The following LEF1 variants were observed in gnomAD, a reference collection of about 807,000 sequenced individuals.
LEF1 encodes the protein lymphoid enhancer-binding factor 1.
LEF1 carries 14 observed loss-of-function variants against 51.2 expected under a neutral mutation model. The ratio of observed to expected loss-of-function variants is 0.27; its 90% CI spans 0.18 to 0.43. LEF1 has a LOEUF of 0.43. Among genes scored for constraint, LEF1 ranks in the 20% least tolerant of loss-of-function variants. The pLI is 1.00. For missense variants in LEF1, 386 were observed against 512.0 expected, an observed-to-expected ratio of 0.75 and a Z score of 2.37; for synonymous variants, 185 against 183.2, an observed-to-expected ratio of 1.01 and a Z score of -0.08.
At chr4:108,070,880 T>A in intron 8 of LEF1, 110 bp from the exon 9 acceptor site, 1 of 765,182 alleles carries the variant, frequency 1.3e-6, no homozygotes, top group South Asian at 1.9e-5. Context: ...AACTTTGATT[T>A]ATTTTTAAAT....
At chr4:108,139,450 A>C (rs567104506) in intron 3 of LEF1, among the ~76,000 whole-genome samples, 7 of 152,310 alleles carry the variant, frequency 4.6e-5, no homozygotes, top group Non-Finnish European at 7.3e-5. Context: ...TTCTCCCTTA[A>C]AACCTGGAAA....
intron 3 of LEF1, among the ~76,000 whole-genome samples, chr4:108,116,286 C>T (rs1013140456): frequency 3.9e-5 from 6 of 152,028 alleles, no homozygotes; most frequent in Non-Finnish European, 7.4e-5. Context: ...TTTGGGAGGC[C>T]GAGGTGAGAG....
intron 11 of LEF1, among the ~76,000 whole-genome samples, chr4:108,056,960 G>C (rs13124913): frequency 0.013 from 1,964 of 151,872 alleles, 17 homozygotes; most frequent in Non-Finnish European, 0.019. Context: ...TGCTGAGCAG[G>C]GTGCAGAAGT....
intron 2 of LEF1, 88 bp from the exon 3 acceptor site, chr4:108,163,789 A>G (rs950471367): frequency 8.1e-6 from 11 of 1,359,550 alleles, no homozygotes; most frequent in African/African-American, 4.4e-5. Context: ...TAGTTCTAAG[A>G]TAAATCAGAC....
intron 4 of LEF1, among the ~76,000 whole-genome samples, chr4:108,085,973 A>G (rs1739620051): frequency 6.6e-6 from 1 of 152,190 alleles, no homozygotes; most frequent in African/African-American, 2.4e-5. Context: ...CTTAGTTAAT[A>G]TTTCTGACCA....
At chr4:108,128,310 G>A (rs557084505) in intron 3 of LEF1, among the ~76,000 whole-genome samples, 6 of 152,094 alleles carry the variant, frequency 3.9e-5, no homozygotes, top group South Asian at 2.1e-4. Context: ...TCTAAACACC[G>A]GTTATGGGTT....
At chr4:108,133,970 T>A (rs1378824126) in intron 3 of LEF1, among the ~76,000 whole-genome samples, 1 of 152,196 alleles carries the variant, frequency 6.6e-6, no homozygotes, top group Non-Finnish European at 1.5e-5. Flanking sequence ...TCTTACAACT[T>A]AATTTTTCAG....
chr4:108,064,515 C>G, intron 9 of LEF1, 131 bp from the exon 10 acceptor site: 2 of 627,426 alleles, frequency 3.2e-6, no homozygotes, highest in South Asian at 4.2e-5. Flanking sequence ...TCTTCACCAT[C>G]TCTATCTAGA....
chr4:108,077,363 C>T (rs1308432644), intron 8 of LEF1, among the ~76,000 whole-genome samples: 4 of 151,886 alleles, frequency 2.6e-5, no homozygotes, highest in African/African-American at 4.8e-5. Context: ...CGCCTCTGCC[C>T]GGCTGCCGCC....
intron 3 of LEF1, among the ~76,000 whole-genome samples, chr4:108,104,860 G>A (rs1402224463): frequency 1.3e-5 from 2 of 152,146 alleles, no homozygotes; most frequent in Admixed American, 6.5e-5. Context: ...AGGAGTTGGA[G>A]GTGTGCCTTT....
At chr4:108,140,264 G>A (rs1161507226) in intron 3 of LEF1, among the ~76,000 whole-genome samples, 1 of 152,018 alleles carries the variant, frequency 6.6e-6, no homozygotes, top group Non-Finnish European at 1.5e-5. Flanking sequence ...GGAGCAGACT[G>A]GATCCAGTTT....
Position 108,070,709 on chromosome 4 carries a change from T to C in LEF1, c.1070A>G (p.Gln357Arg). The C allele has an allele frequency of 6.2e-7, 1 of 1,614,126 alleles. No homozygotes were observed. The highest frequency in any genetic ancestry group is 1.1e-5 in the South Asian group (1 of 91,074). ...KYYELARKERQLHMQLYPGWS... is the reference protein window; with the variant it reads ...KYYELARKERRLHMQLYPGWS... The stretch of plus-strand genomic sequence containing the variant: ...GCCTGGATAAAGCTGCATATGTAGC[T>C]GTCTTTCTTTCCGTGCTAATTCATA... Residue 357 changes from glutamine (Q) to arginine (R), a missense_variant, in exon 9 of 12, where the codon CAG (glutamine) becomes CGG (arginine). Gln to Arg is a conservative substitution (Grantham distance 43). Coordinates refer to ENST00000265165, the MANE Select transcript of LEF1 (RefSeq NM_016269.5).
intron 3 of LEF1, among the ~76,000 whole-genome samples, chr4:108,131,366 T>C (rs1169186936): frequency 6.7e-6 from 1 of 148,966 alleles, no homozygotes; most frequent in Non-Finnish European, 1.5e-5. Flanking sequence ...CTGGGTGAGG[T>C]GACAGAGCAA....
chr4:108,105,404 C>T (rs1489254913), intron 3 of LEF1, among the ~76,000 whole-genome samples: 1 of 152,106 alleles, frequency 6.6e-6, no homozygotes, highest in African/African-American at 2.4e-5. Flanking sequence ...TGGTCTCGAA[C>T]TCCTGACAGC....
chr4:108,053,780 T>C (rs1004277356), intron 11 of LEF1, among the ~76,000 whole-genome samples: 2 of 152,088 alleles, frequency 1.3e-5, no homozygotes, highest in Non-Finnish European at 2.9e-5. Flanking sequence ...ATGGGAGAAA[T>C]GGTCTTGAGC....
intron 3 of LEF1, among the ~76,000 whole-genome samples, chr4:108,156,748 T>C (rs1204362442): frequency 1.3e-5 from 2 of 151,828 alleles, no homozygotes; most frequent in African/African-American, 4.8e-5. Flanking sequence ...AAAAGATTTA[T>C]AAAAATATCT....
intron 3 of LEF1, among the ~76,000 whole-genome samples, chr4:108,114,660 G>C (rs917231921): frequency 6.6e-6 from 1 of 152,188 alleles, no homozygotes; most frequent in Admixed American, 6.5e-5. Flanking sequence ...CTTAATGTCT[G>C]AGGAGATAAC....
chr4:108,116,284 G>GCCGA (rs568570069), intron 3 of LEF1, among the ~76,000 whole-genome samples: 139 of 152,300 alleles, frequency 9.1e-4, no homozygotes, highest in African/African-American at 3.1e-3. Context: ...ACTTTGGGAG[G>GCCGA]CCGAGGTGAG....
At chr4:108,113,209 T>C (rs909551466) in intron 3 of LEF1, among the ~76,000 whole-genome samples, 24 of 152,198 alleles carry the variant, frequency 1.6e-4, no homozygotes, top group African/African-American at 4.8e-5. Context: ...GATTTTTCAA[T>C]CTGGAAATCA....
Sources: allele counts gnomAD v4.1 joint callset (sites outside exome capture counted in the v4.1 genomes callset), GRCh38; gene constraint gnomAD v4.1.1; transcripts MANE v1.5; gene names NCBI Gene and HGNC (gene_info 2026-07-23, HGNC 2026-07-21).